Variants in ATG4A observed in about 807,000 individuals in gnomAD.
ATG4A encodes autophagy related 4A cysteine peptidase, also known as cysteine protease ATG4A.
ATG4A carries 22 observed loss-of-function variants against 38.4 expected under a neutral mutation model. That is an observed-to-expected ratio of 0.57 (90% CI 0.41 to 0.82). The LOEUF is 0.82. Ranked by LOEUF, ATG4A falls within the 40% of genes least tolerant of loss-of-function variation. The probability of loss-of-function intolerance (pLI) is 0.00; values close to 1 mark genes in which losing one functional copy is unlikely to be tolerated. For missense variants in ATG4A, 220 were observed against 290.0 expected (o/e 0.76, Z 1.75); for synonymous variants, 86 against 100.7 (o/e 0.85, Z 0.88).
chrX:108,148,020 AATATATATATATATATATATAT>A (rs60886281), intron 9 of ATG4A, among the ~76,000 whole-genome samples: 926 of 80,086 alleles, frequency 0.012, 29 homozygotes, highest in African/African-American at 0.024. Flanking sequence ...ACTAATGGAA[AATATATATATATATATATATAT>A]ATATATATAT....
intron 9 of ATG4A, among the ~76,000 whole-genome samples, chrX:108,141,116 G>T (rs2033282693): frequency 1.4e-5 from 1 of 69,980 alleles, no homozygotes; most frequent in Non-Finnish European, 2.5e-5. Flanking sequence ...ATATCACTAA[G>T]GAATGGTGCC....
intron 9 of ATG4A, among the ~76,000 whole-genome samples, chrX:108,141,092 A>G (rs1353064129): frequency 2.5e-5 from 2 of 80,115 alleles, no homozygotes; most frequent in African/African-American, 4.7e-5. Flanking sequence ...ATATATATAT[A>G]TATATATATA....
intron 7 of ATG4A, 142 bp from the exon 8 acceptor site, chrX:108,137,662 G>A: frequency 3.7e-6 from 2 of 538,275 alleles, no homozygotes; most frequent in Non-Finnish European, 5.8e-6. Flanking sequence ...CAGGCGGGGA[G>A]TCAGCTGAGC....
At chrX:108,124,554 C>T (rs1402801316) in intron 1 of ATG4A, among the ~76,000 whole-genome samples, 3 of 109,680 alleles carry the variant, frequency 2.7e-5, no homozygotes, top group South Asian at 4.0e-4. Context: ...TGGGTTCAAG[C>T]GACTCTCCTG....
chrX:108,104,490 T>A (rs1393944477), intron 1 of ATG4A, among the ~76,000 whole-genome samples: 1 of 110,899 alleles, frequency 9.0e-6, no homozygotes, highest in African/African-American at 3.3e-5. Context: ...TCCTGCAAGG[T>A]TTCTGCTGAG....
intron 1 of ATG4A, among the ~76,000 whole-genome samples, chrX:108,123,716 A>G: frequency 8.9e-6 from 1 of 112,139 alleles, no homozygotes; most frequent in East Asian, 2.8e-4. Flanking sequence ...AGAGGGGGTG[A>G]AGTGCAAGAG....
At chrX:108,109,168 CTTA>C (rs1411188222) in intron 1 of ATG4A, among the ~76,000 whole-genome samples, 1 of 111,870 alleles carries the variant, frequency 8.9e-6, no homozygotes, top group Non-Finnish European at 1.9e-5. Context: ...CTTATCAACC[CTTA>C]TTATTTTCTA....
At chrX:108,123,619 T>C (rs1306727483) in intron 1 of ATG4A, among the ~76,000 whole-genome samples, 2 of 112,139 alleles carry the variant, frequency 1.8e-5, no homozygotes, top group Non-Finnish European at 3.8e-5. Flanking sequence ...TGGCCTCACA[T>C]ACTGCATTCG....
At chrX:108,149,914 T>G in intron 9 of ATG4A, 2 of 342,009 alleles carry the variant, frequency 5.8e-6, no homozygotes, top group South Asian at 7.1e-5. Context: ...CACTTTCCAT[T>G]TTGGGACTTG....
chrX:108,120,080 C>T (rs185781885), intron 1 of ATG4A, among the ~76,000 whole-genome samples: 95 of 112,219 alleles, frequency 8.5e-4, no homozygotes, highest in African/African-American at 3.0e-3. Context: ...AACAACAAAA[C>T]CTGTTGAAGA....
At chrX:108,135,959 T>C (rs768299351) in intron 6 of ATG4A, among the ~76,000 whole-genome samples, 6 of 109,564 alleles carry the variant, frequency 5.5e-5, no homozygotes, top group Non-Finnish European at 9.5e-5. Context: ...AATTTTTGTA[T>C]TTTTAGTAGA....
chrX:108,141,037 T>TAC (rs769091998), intron 9 of ATG4A, among the ~76,000 whole-genome samples: 1,969 of 72,514 alleles, frequency 0.027, 53 homozygotes, highest in Non-Finnish European at 0.035. Context: ...TATACATATA[T>TAC]ACATATATAT....
intron 9 of ATG4A, among the ~76,000 whole-genome samples, chrX:108,148,517 TACACAC>T (rs368317060): frequency 2.1e-5 from 2 of 94,902 alleles, no homozygotes; most frequent in African/African-American, 3.9e-5. Flanking sequence ...TCCATGCACA[TACACAC>T]ACACACACAC....
chrX:108,141,476 G>T (rs1261627209), intron 9 of ATG4A, among the ~76,000 whole-genome samples: 1 of 111,608 alleles, frequency 9.0e-6, no homozygotes, highest in South Asian at 3.8e-4. Flanking sequence ...AGGTGATTCT[G>T]TTAGAAAGTG....
intron 1 of ATG4A, among the ~76,000 whole-genome samples, chrX:108,124,108 A>G (rs1485119103): frequency 8.9e-6 from 1 of 112,103 alleles, no homozygotes; most frequent in Non-Finnish European, 1.9e-5. Flanking sequence ...GGAGGTGCAC[A>G]GTGTGATTTG....
At chrX:108,106,914 G>A (rs747020826) in intron 1 of ATG4A, among the ~76,000 whole-genome samples, 4 of 111,434 alleles carry the variant, frequency 3.6e-5, no homozygotes. Flanking sequence ...TCTTGAATCT[G>A]TAGGCTTACG....
At chrX:108,138,626 C>T (rs1416859119) in intron 9 of ATG4A, among the ~76,000 whole-genome samples, 1 of 111,616 alleles carries the variant, frequency 9.0e-6, no homozygotes, top group African/African-American at 3.3e-5. Context: ...ACCCCTTTCC[C>T]GAGAATGGGG....
chrX:108,147,619 G>A (rs1398395853), intron 9 of ATG4A, among the ~76,000 whole-genome samples: 1 of 111,478 alleles, frequency 9.0e-6, no homozygotes, highest in Non-Finnish European at 1.9e-5. Flanking sequence ...GAAGCCTGGA[G>A]CTAGAATCCC....
At position 108,154,358 on chromosome X, in the gene ATG4A, C is replaced by A. The variant is rs1347930445; in HGVS notation, c.*646C>A. On this transcript the variant is annotated 3_prime_UTR_variant, in exon 13 of 13. Transcript: ENST00000372232. ...TTACTGATACTTTTGTCAGATATCA[C>A]CCTGTCCTTAAATCATGATCACTTA... 8.9e-6 allele frequency: 1 copy of A among 112,437 alleles called. No homozygotes were observed. Among genetic ancestry groups the A allele is most frequent in the Non-Finnish European group, 1.9e-5 (1 of 53,338 alleles). 9.3% of individuals were successfully genotyped at this position (112,437 alleles called of 1,213,427 possible). A position where few individuals can be genotyped will look rare whatever the true frequency, so the allele number is the denominator to read the frequency against.
Sources: gnomAD v4.1 joint callset for allele counts (sites outside exome capture counted in the v4.1 genomes callset) on GRCh38, gnomAD v4.1.1 for gene constraint, MANE v1.5 for transcripts, NCBI Gene and HGNC (gene_info 2026-07-23, HGNC 2026-07-21) for gene names.